Variants in ZHX3 observed in about 807,000 individuals in gnomAD.
ZHX3 encodes zinc fingers and homeoboxes 3.
Under a neutral mutation model 64.5 loss-of-function variants are expected in ZHX3, and 20 were observed. The observed-to-expected ratio is 0.31, with a 90% confidence interval of 0.22 to 0.45. ZHX3 has a LOEUF of 0.45. Ranked by LOEUF, ZHX3 falls within the 20% of genes least tolerant of loss-of-function variation. ZHX3 has a pLI of 1.00. For synonymous variants in ZHX3, 423 were observed against 461.6 expected (o/e 0.92, Z 1.07); for missense variants, 1,041 against 1,195.8 (o/e 0.87, Z 1.91).
At chr20:41,300,929 G>A (rs138789624) in intron 1 of ZHX3, among the ~76,000 whole-genome samples, 82 of 152,324 alleles carry the variant, frequency 5.4e-4, no homozygotes, top group African/African-American at 1.9e-3. Context: ...GTCGCTCACA[G>A]TGTGAAGGAA....
chr20:41,258,151 C>T lies in ZHX3; in HGVS notation c.-151+10839G>A, dbSNP rs564699494. Among the ~76,000 whole-genome samples, 166 of 150,492 alleles carry T rather than the reference C, an allele frequency of 1.1e-3. 1 individual carries two copies. The highest frequency in any genetic ancestry group is 3.7e-3 in the African/African-American group (150 of 40,950). ...CTGACCTCAGGTGATCCACCCGCCT[C>T]GGCCTCCCAAAGTGCTGGGATTACA... On this transcript the variant is annotated intron_variant, in intron 2 of 3. Transcript: ENST00000683867.
intron 2 of ZHX3, among the ~76,000 whole-genome samples, chr20:41,234,541 G>A (rs894941039): frequency 4.6e-5 from 7 of 152,172 alleles, no homozygotes. Context: ...AGTTAAGAGT[G>A]ACCTATGTCA....
intron 1 of ZHX3, among the ~76,000 whole-genome samples, chr20:41,282,380 T>TTTTTTTTG (rs1345180313): frequency 6.8e-6 from 1 of 147,348 alleles, no homozygotes; most frequent in Admixed American, 6.7e-5. Flanking sequence ...TTTTTTTTTT[T>TTTTTTTTG]GCGAAGTCTA....
chr20:41,255,233 G>C lies in ZHX3; in HGVS notation c.-151+13757C>G, dbSNP rs564070073. Among the ~76,000 whole-genome samples, 389 of 152,178 alleles carry C rather than the reference G, an allele frequency of 2.6e-3. 4 individuals carry two copies. Among genetic ancestry groups the C allele is most frequent in the Non-Finnish European group, 4.3e-3 (293 of 67,968 alleles). ...GTGGCGCCATCTCGGCTCACTGCAA[G>C]CTCCGCCTCCTGGGTTCACGCCATT... On this transcript the variant is annotated intron_variant, in intron 2 of 3. Transcript: ENST00000683867.
At position 41,202,197 on chromosome 20, in the gene ZHX3, C is replaced by G; in HGVS notation, c.2720G>C (p.Gly907Ala). ...TGSEDQGPGT[G>A]ELTAVHKGMG... ...CCCTTTGTGAACTGCTGTGAGCTCACCAGTACCAGGGCCCTGGTCCTCACT... is the reference window on the plus strand; with the variant it reads ...CCCTTTGTGAACTGCTGTGAGCTCAGCAGTACCAGGGCCCTGGTCCTCACT... The change falls in exon 3 of 4, where the codon GGT becomes GCT. Residue 907 changes from glycine (G) to alanine (A), a missense_variant. Physicochemically the swap from Gly to Ala is moderately conservative, Grantham distance 60. Around this residue, in one of 4 missense-constraint regions of ZHX3, gnomAD observed 649 missense variants for 739.8 expected, o/e 0.88. Coordinates refer to ENST00000683867, the MANE Select transcript of ZHX3 (RefSeq NM_001384317.1). The surrounding 1 kb of genome is among the most constrained non-coding windows in gnomAD (Gnocchi z 7.0). 1 of 1,614,196 alleles carries G rather than the reference C, an allele frequency of 6.2e-7. No homozygotes were observed. Among genetic ancestry groups the G allele is most frequent in the Non-Finnish European group, 8.5e-7 (1 of 1,180,034 alleles).
At chr20:41,272,384 C>T (rs545233383) in intron 1 of ZHX3, 17 of 152,270 alleles carry the variant, frequency 1.1e-4, no homozygotes, top group African/African-American at 4.1e-4. Context: ...ATAACATTAA[C>T]CATTTTTAAA....
chr20:41,254,124 G>C (rs1207984488), intron 2 of ZHX3, among the ~76,000 whole-genome samples: 1 of 152,074 alleles, frequency 6.6e-6, no homozygotes, highest in Non-Finnish European at 1.5e-5. Flanking sequence ...GTCTCTACTG[G>C]AAGGAGGGAA....
chr20:41,301,785 TG>T (rs937850680), intron 1 of ZHX3, among the ~76,000 whole-genome samples: 45 of 152,062 alleles, frequency 3.0e-4, no homozygotes, highest in Non-Finnish European at 3.4e-4. Context: ...CCGGGCGCGG[TG>T]GCTCACGCCT....
chr20:41,272,572 T>C (rs1423175970), intron 1 of ZHX3, among the ~76,000 whole-genome samples: 1 of 152,214 alleles, frequency 6.6e-6, no homozygotes, highest in East Asian at 1.9e-4. Flanking sequence ...ACTAATATGC[T>C]TTATGTCTCC....
chr20:41,234,762 G>A (rs1263653471), intron 2 of ZHX3, among the ~76,000 whole-genome samples: 1 of 152,214 alleles, frequency 6.6e-6, no homozygotes, highest in Non-Finnish European at 1.5e-5. Context: ...TGGCAGCATA[G>A]TCTTAGAATA....
chr20:41,299,592 T>C (rs530954458), intron 1 of ZHX3, among the ~76,000 whole-genome samples: 30 of 152,076 alleles, frequency 2.0e-4, no homozygotes, highest in Non-Finnish European at 4.0e-4. Flanking sequence ...CTAGGTGCGG[T>C]GGCTCATGCC....
chr20:41,196,285 A>G (rs1457432630), intron 3 of ZHX3, among the ~76,000 whole-genome samples: 1 of 124,838 alleles, frequency 8.0e-6, no homozygotes, highest in Non-Finnish European at 1.6e-5. Flanking sequence ...TATAATATAT[A>G]TAAATAAATA....
intron 2 of ZHX3, among the ~76,000 whole-genome samples, chr20:41,266,640 G>T (rs1322025058): frequency 6.6e-6 from 1 of 151,204 alleles, no homozygotes; most frequent in East Asian, 1.9e-4. Context: ...CCGCCCCCCA[G>T]GTTCACGCCA....
intron 2 of ZHX3, among the ~76,000 whole-genome samples, chr20:41,231,774 A>G (rs1600434226): frequency 6.6e-6 from 1 of 152,380 alleles, no homozygotes; most frequent in East Asian, 1.9e-4. Flanking sequence ...CAAATAGCTT[A>G]GAAAAGAACC....
At chr20:41,231,771 C>G (rs1441354942) in intron 2 of ZHX3, among the ~76,000 whole-genome samples, 1 of 152,102 alleles carries the variant, frequency 6.6e-6, no homozygotes, top group Non-Finnish European at 1.5e-5. Context: ...AATCAAATAG[C>G]TTAGAAAAGA....
At chr20:41,217,490 A>G (rs577591233) in intron 2 of ZHX3, among the ~76,000 whole-genome samples, 51 of 152,328 alleles carry the variant, frequency 3.3e-4, no homozygotes, top group Non-Finnish European at 6.5e-4. Flanking sequence ...ATATTTTTAA[A>G]AAACATTCTG....
chr20:41,268,493 A>T (rs376667359), intron 2 of ZHX3, among the ~76,000 whole-genome samples: 1 of 152,238 alleles, frequency 6.6e-6, no homozygotes, highest in Non-Finnish European at 1.5e-5. Flanking sequence ...CATTAAATAC[A>T]CTAGATCATT....
intron 2 of ZHX3, among the ~76,000 whole-genome samples, chr20:41,206,756 C>T (rs2146258426): frequency 1.3e-5 from 2 of 152,252 alleles, no homozygotes; most frequent in Middle Eastern, 3.4e-3. Context: ...CTTCCCCAAC[C>T]TAGCAAGGCA....
chr20:41,220,711 T>C (rs982619309), intron 2 of ZHX3, among the ~76,000 whole-genome samples: 1 of 152,112 alleles, frequency 6.6e-6, no homozygotes, highest in African/African-American at 2.4e-5. Flanking sequence ...TGTTTTGTTT[T>C]GAGGCAGAGT....
Sources: allele counts gnomAD v4.1 joint callset (sites outside exome capture counted in the v4.1 genomes callset), GRCh38; gene constraint gnomAD v4.1.1; regional missense constraint gnomAD v4.1.1; non-coding constraint Gnocchi (gnomAD v3.1); transcripts MANE v1.5; gene names NCBI Gene and HGNC (gene_info 2026-07-23, HGNC 2026-07-21).